The following SLC9A9 variants were observed in gnomAD, a reference collection of about 807,000 sequenced individuals.
The protein encoded by SLC9A9 is solute carrier family 9 member A9.
In SLC9A9, 62 loss-of-function variants were observed where a neutral mutation model predicts 77.8. The observed-to-expected ratio is 0.80, with a 90% CI of 0.65 to 0.98. The LOEUF (loss-of-function observed/expected upper bound fraction) is 0.98, where lower values mean the gene tolerates loss of function less well. Among genes scored for constraint, SLC9A9 ranks in the 50% least tolerant of loss-of-function variants. The pLI is 0.00. For synonymous variants in SLC9A9, 320 were observed against 283.5 expected (o/e 1.13, Z -1.29); for missense variants, 775 against 774.9 (o/e 1.00, Z 0.00).
At chr3:143,586,768 C>T (rs2037548064) in intron 6 of SLC9A9, among the ~76,000 whole-genome samples, 1 of 152,168 alleles carries the variant, frequency 6.6e-6, no homozygotes, top group Non-Finnish European at 1.5e-5. Context: ...GTCAAGAGAA[C>T]CTACTGTAAA....
intron 5 of SLC9A9, among the ~76,000 whole-genome samples, chr3:143,665,352 T>G (rs2039046879): frequency 6.6e-6 from 1 of 152,154 alleles, no homozygotes; most frequent in African/African-American, 2.4e-5. Context: ...AGAAGGAAAT[T>G]TATAGCACTA....
chr3:143,453,371 A>G (rs2035039458), intron 12 of SLC9A9, among the ~76,000 whole-genome samples: 1 of 152,120 alleles, frequency 6.6e-6, no homozygotes. Flanking sequence ...TATCCTTAAT[A>G]ATACCTAAAC....
chr3:143,447,200 G>A (rs6440173), intron 12 of SLC9A9, among the ~76,000 whole-genome samples: 6,446 of 152,204 alleles, frequency 0.042, 471 homozygotes, highest in African/African-American at 0.15. Context: ...GAAATTAATT[G>A]TGAAGACGTA....
chr3:143,813,963 G>T lies in SLC9A9; in HGVS notation c.379-17060C>A, dbSNP rs6784547. On this transcript the variant is annotated intron_variant, in intron 2 of 15. Transcript: ENST00000316549. ...CCAGAATGAGCTCAAGGTAATGATA[G>T]TGGGAATGAAGGTGGTTGCGATAGA... Among the ~76,000 whole-genome samples, 5 of 152,102 alleles carry T rather than the reference G, an allele frequency of 3.3e-5. No homozygotes were observed. In the East Asian group the frequency reaches 9.6e-4, roughly 29 times the overall value.
At chr3:143,609,364 G>A (rs1258659108) in intron 6 of SLC9A9, among the ~76,000 whole-genome samples, 1 of 152,130 alleles carries the variant, frequency 6.6e-6, no homozygotes, top group Non-Finnish European at 1.5e-5. Flanking sequence ...CCCAGCTCAT[G>A]GGTGAATTTT....
intron 2 of SLC9A9, among the ~76,000 whole-genome samples, chr3:143,816,709 T>C (rs930491849): frequency 1.3e-5 from 2 of 152,202 alleles, no homozygotes; most frequent in African/African-American, 4.8e-5. Flanking sequence ...ATGAGGTATA[T>C]AAACCTTCAA....
intron 4 of SLC9A9, among the ~76,000 whole-genome samples, chr3:143,704,333 T>C (rs1187841074): frequency 6.6e-6 from 1 of 152,172 alleles, no homozygotes; most frequent in Non-Finnish European, 1.5e-5. Flanking sequence ...AGCAAAATGC[T>C]AGCAAACTGA....
Position 143,299,732 on chromosome 3 carries a change from C to T in SLC9A9, c.1605-30752G>A, listed in dbSNP as rs373131953. ...TGCTGGGATTACAGGCGTGAGCCAC[C>T]ACGTCCTGCCACACATTTTTATTCC... is the stretch of plus-strand genomic sequence containing the variant. On this transcript the variant is annotated intron_variant, in intron 14 of 15. Transcript: ENST00000316549. Among the ~76,000 whole-genome samples the T allele has an allele frequency of 6.2e-4, 95 of 152,278 alleles. 1 individual carries two copies. Among genetic ancestry groups the T allele is most frequent in the African/African-American group, 1.9e-3 (77 of 41,564 alleles).
At chr3:143,361,435 A>G (rs907768344) in intron 14 of SLC9A9, among the ~76,000 whole-genome samples, 1 of 152,174 alleles carries the variant, frequency 6.6e-6, no homozygotes, top group Admixed American at 6.5e-5. Flanking sequence ...CACAGGACAC[A>G]TTGCCTGGGT....
Position 143,655,583 on chromosome 3 carries a change from A to T in SLC9A9, c.650-3223T>A, listed in dbSNP as rs974138924. ...CCTCTACATACCCTCTTCTTACATG[A>T]TGTTGTAGCTAGAGAAAAATTCACT... On this transcript the variant is annotated intron_variant, in intron 5 of 15. Coordinates refer to ENST00000316549, the MANE Select transcript of SLC9A9 (RefSeq NM_173653.4). The T allele has an allele frequency of 3.0e-6, 3 of 984,976 alleles. No homozygotes were observed. In the African/African-American group the frequency reaches 5.2e-5, roughly 17 times the overall value. The allele number at this position is 984,976 out of a possible 1,614,324, so 61.0% of individuals were successfully genotyped here.
At chr3:143,303,085 C>A (rs1019062146) in intron 14 of SLC9A9, among the ~76,000 whole-genome samples, 6 of 152,212 alleles carry the variant, frequency 3.9e-5, no homozygotes, top group Admixed American at 3.9e-4. Context: ...GTGACACACA[C>A]GCTCTGGCTG....
intron 11 of SLC9A9, among the ~76,000 whole-genome samples, chr3:143,472,789 A>G (rs1210152010): frequency 6.6e-6 from 1 of 152,234 alleles, no homozygotes; most frequent in Non-Finnish European, 1.5e-5. Flanking sequence ...AGTGATTGAT[A>G]CCTCCTAGAT....
At chr3:143,606,428 C>CTATATATA (rs1473173290) in intron 6 of SLC9A9, among the ~76,000 whole-genome samples, 28 of 69,880 alleles carry the variant, frequency 4.0e-4, no homozygotes, top group Non-Finnish European at 6.0e-4. Context: ...CTCTCTCTCT[C>CTATATATA]TCTCTCTCTA....
rs1336746339 is a variant in SLC9A9, at chr3:143,448,916, T to A, written c.1469+18121A>T. Among the ~76,000 whole-genome samples, 5 of 7,238 alleles carry A rather than the reference T, an allele frequency of 6.9e-4. 2 individuals are homozygous for A. In the African/African-American group the frequency reaches 0.02, roughly 29 times the overall value. The allele number at this position is 7,238 out of a possible 152,430, so 4.7% of individuals were successfully genotyped here. A position where few individuals can be genotyped will look rare whatever the true frequency, so the allele number is the denominator to read the frequency against. ...ATTATAATATATAATATGATATATA[T>A]TATATATTATAATATATAATATGAT... On this transcript the variant is annotated intron_variant, in intron 12 of 15. Coordinates refer to ENST00000316549, the MANE Select transcript of SLC9A9 (RefSeq NM_173653.4).
chr3:143,618,519 G>A (rs2038146051), intron 6 of SLC9A9, among the ~76,000 whole-genome samples: 1 of 152,052 alleles, frequency 6.6e-6, no homozygotes, highest in South Asian at 2.1e-4. Flanking sequence ...GGGGCTCAAA[G>A]ACAGTACAAA....
rs141763342 is a variant in SLC9A9, at chr3:143,329,794, G to A, written c.1604+33690C>T. On this transcript the variant is annotated intron_variant, in intron 14 of 15. Coordinates refer to ENST00000316549, the MANE Select transcript of SLC9A9 (RefSeq NM_173653.4). ...CAGGACCTGGGAGCCCAAGCCCCCAGGCCACGTGAGCCTCGTGCCCCGGTG... is the reference window on the plus strand; with the variant it reads ...CAGGACCTGGGAGCCCAAGCCCCCAAGCCACGTGAGCCTCGTGCCCCGGTG... 8.6e-3 allele frequency among the ~76,000 whole-genome samples: 1,304 copies of A among 152,228 alleles called. 17 individuals are homozygous for A. The highest frequency in any genetic ancestry group is 0.029 in the African/African-American group (1,201 of 41,556).
chr3:143,647,650 A>G (rs556879699), intron 6 of SLC9A9, among the ~76,000 whole-genome samples: 1 of 152,290 alleles, frequency 6.6e-6, no homozygotes, highest in African/African-American at 2.4e-5. Context: ...AAGAATACGC[A>G]TATATTTTCA....
At position 143,402,293 on chromosome 3, in the gene SLC9A9, GAGA is replaced by G. The variant is rs545265130; in HGVS notation, c.1470-20182_1470-20180del. ...TCCTTTGGCATGAATAGACTTTTAT[GAGA>G]AGATTTAAGTGTAGAAATTATTGGA... On this transcript the variant is annotated intron_variant, in intron 12 of 15. Coordinates refer to ENST00000316549, the MANE Select transcript of SLC9A9 (RefSeq NM_173653.4). Among the ~76,000 whole-genome samples, 16 of 152,262 alleles carry G rather than the reference GAGA, an allele frequency of 1.1e-4. No individual in the cohort carries two copies. In the South Asian group the frequency reaches 2.9e-3, roughly 28 times the overall value.
At chr3:143,834,571 CTTTTTT>C (rs5853131) in intron 1 of SLC9A9, among the ~76,000 whole-genome samples, 1 of 116,942 alleles carries the variant, frequency 8.6e-6, no homozygotes, top group East Asian at 2.5e-4. Flanking sequence ...GCGAGGCACT[CTTTTTT>C]TTTTTTTTTT....
Sources: gnomAD v4.1 joint callset for allele counts (sites outside exome capture counted in the v4.1 genomes callset) on GRCh38, gnomAD v4.1.1 for gene constraint, MANE v1.5 for transcripts, NCBI Gene and HGNC (gene_info 2026-07-23, HGNC 2026-07-21) for gene names.